The following GSAP variants were observed in gnomAD, a reference collection of about 807,000 sequenced individuals.
The protein encoded by GSAP is gamma-secretase-activating protein.
Under a neutral mutation model 131.7 loss-of-function variants are expected in GSAP, and 118 were observed. That is an observed-to-expected ratio of 0.90 (90% CI 0.77 to 1.04). GSAP has a LOEUF of 1.04. GSAP is among the 50% of genes least tolerant of loss of function. The probability of loss-of-function intolerance (pLI) is 0.00; values close to 1 mark genes in which losing one functional copy is unlikely to be tolerated. For synonymous variants in GSAP, 381 were observed against 363.4 expected, an observed-to-expected ratio of 1.05 and a Z score of -0.55; for missense variants, 1,019 against 1,013.2, an observed-to-expected ratio of 1.01 and a Z score of -0.08.
chr7:77,369,781 G>T (rs1274592696), intron 12 of GSAP, among the ~76,000 whole-genome samples: 1 of 150,384 alleles, frequency 6.6e-6, no homozygotes, highest in Non-Finnish European at 1.5e-5. Flanking sequence ...AACAACAAAG[G>T]TAAAAAAACA....
chr7:77,396,535 G>C (rs1003985469), intron 5 of GSAP, among the ~76,000 whole-genome samples: 4 of 152,068 alleles, frequency 2.6e-5, no homozygotes, highest in African/African-American at 4.8e-5. Flanking sequence ...GAGGGGCCAG[G>C]GAGCATCACA....
chr7:77,406,772 C>A (rs1802339854), intron 1 of GSAP, among the ~76,000 whole-genome samples: 1 of 152,128 alleles, frequency 6.6e-6, no homozygotes, highest in African/African-American at 2.4e-5. Flanking sequence ...GGGACCCTCC[C>A]AAAAAGGTTC....
chr7:77,373,516 C>T (rs1392598043), intron 12 of GSAP, among the ~76,000 whole-genome samples: 3 of 152,178 alleles, frequency 2.0e-5, no homozygotes, highest in Admixed American at 1.3e-4. Flanking sequence ...CAGTTTTTCA[C>T]CAGATTTATT....
chr7:77,415,327 T>G (rs887895031), intron 1 of GSAP, among the ~76,000 whole-genome samples: 2 of 152,208 alleles, frequency 1.3e-5, no homozygotes, highest in African/African-American at 4.8e-5. Context: ...TTCACTGAAG[T>G]GGACAGCGCC....
chr7:77,328,129 A>C, intron 22 of GSAP: 1 of 780,746 alleles, frequency 1.3e-6, no homozygotes, highest in Non-Finnish European at 1.6e-6. Context: ...TCTAGCTCTC[A>C]AGCCTGTGCT....
At chr7:77,366,111 G>A (rs1183427072) in intron 12 of GSAP, among the ~76,000 whole-genome samples, 1 of 151,476 alleles carries the variant, frequency 6.6e-6, no homozygotes, top group Non-Finnish European at 1.5e-5. Context: ...ATAAATTTAA[G>A]TACCTTGTAG....
At chr7:77,369,175 A>C (rs533122334) in intron 12 of GSAP, among the ~76,000 whole-genome samples, 55 of 152,344 alleles carry the variant, frequency 3.6e-4, no homozygotes, top group Middle Eastern at 6.8e-3. Flanking sequence ...CTACCCTCCC[A>C]GTAGGTGGTG....
chr7:77,366,789 A>G (rs1208033709), intron 12 of GSAP, among the ~76,000 whole-genome samples: 2 of 152,194 alleles, frequency 1.3e-5, no homozygotes, highest in South Asian at 4.1e-4. Context: ...TGATAGGAAT[A>G]GCATTGAATC....
intron 13 of GSAP, 47 bp from the exon 14 acceptor site, chr7:77,360,948 G>T: frequency 9.3e-7 from 1 of 1,070,144 alleles, no homozygotes; most frequent in East Asian, 2.4e-5. Context: ...CAAAGAACTG[G>T]AACTCCACCC....
intron 16 of GSAP, 60 bp from the exon 17 acceptor site, chr7:77,353,701 A>G (rs1403798867): frequency 1.0e-6 from 1 of 957,330 alleles, no homozygotes; most frequent in African/African-American, 1.6e-5. Flanking sequence ...CTCCACTACC[A>G]AAGAAGTACA....
intron 12 of GSAP, among the ~76,000 whole-genome samples, chr7:77,369,506 A>G (rs1275029654): frequency 6.6e-6 from 1 of 152,186 alleles, no homozygotes; most frequent in Non-Finnish European, 1.5e-5. Context: ...AAGAATATAA[A>G]AAGTAATGGT....
intron 6 of GSAP, among the ~76,000 whole-genome samples, chr7:77,385,008 T>C (rs1255958200): frequency 6.6e-6 from 1 of 151,776 alleles, no homozygotes; most frequent in Non-Finnish European, 1.5e-5. Context: ...GGCCTATAGA[T>C]GCTGTCCTGT....
At chr7:77,330,760 A>G (rs369034546) in intron 19 of GSAP, 6 of 986,112 alleles carry the variant, frequency 6.1e-6, no homozygotes, top group East Asian at 2.3e-4. Context: ...TGCCATGTTC[A>G]CTAAGAGAAA....
intron 5 of GSAP, among the ~76,000 whole-genome samples, chr7:77,388,645 A>C (rs1184178044): frequency 6.6e-6 from 1 of 152,252 alleles, no homozygotes; most frequent in Non-Finnish European, 1.5e-5. Context: ...AGTGTCTCTC[A>C]GTGACTTCAC....
chr7:77,363,918 AATT>A (rs1220729490), intron 12 of GSAP, among the ~76,000 whole-genome samples: 3 of 151,710 alleles, frequency 2.0e-5, no homozygotes, highest in Non-Finnish European at 4.4e-5. Flanking sequence ...ACAAAATAAT[AATT>A]ATAAGAGTTA....
intron 19 of GSAP, among the ~76,000 whole-genome samples, chr7:77,347,102 G>A (rs1413959885): frequency 6.6e-6 from 1 of 152,036 alleles, no homozygotes. Flanking sequence ...GTTCCTGGAG[G>A]GTGGTGAATC....
At chr7:77,314,629 C>G in intron 26 of GSAP, 140 bp from the exon 27 acceptor site, 1 of 835,362 alleles carries the variant, frequency 1.2e-6, no homozygotes, top group Admixed American at 2.7e-5. Context: ...AAAACAAGGT[C>G]CAAGTTTCCT....
chr7:77,387,453 A>G lies in GSAP; in HGVS notation c.368-5T>C, dbSNP rs1395453254. The G allele has an allele frequency of 1.3e-6, 2 of 1,488,638 alleles. No individual in the cohort carries two copies. The highest frequency in any genetic ancestry group is 1.1e-5 in the South Asian group (1 of 88,076). The allele number at this position is 1,488,638 out of a possible 1,614,324, so 92.2% of individuals were successfully genotyped here. A position where few individuals can be genotyped will look rare whatever the true frequency, so the allele number is the denominator to read the frequency against. On this transcript the variant is annotated splice_polypyrimidine_tract_variant and splice_region_variant and intron_variant, in intron 5 of 30. Coordinates refer to ENST00000257626, the MANE Select transcript of GSAP (RefSeq NM_017439.4). ...ACAAAGTCAAGCACTTTGATCCTAC[A>G]GAGAAAAGAAGGCTTTTAGTAACGA...
chr7:77,312,241 C>G, intron 28 of GSAP, 39 bp from the exon 29 acceptor site: 1 of 938,478 alleles, frequency 1.1e-6, no homozygotes, highest in Non-Finnish European at 1.7e-6. Flanking sequence ...GAATACCACA[C>G]ACTATATTAA....
Sources: gnomAD v4.1 joint callset for allele counts (sites outside exome capture counted in the v4.1 genomes callset) on GRCh38, gnomAD v4.1.1 for gene constraint, MANE v1.5 for transcripts, NCBI Gene and HGNC (gene_info 2026-07-23, HGNC 2026-07-21) for gene names.